Variants in UTY observed in about 807,000 individuals in gnomAD.
The protein encoded by UTY is histone demethylase UTY.
Under a neutral mutation model 32.5 loss-of-function variants are expected in UTY, and 12 were observed. That is an observed-to-expected ratio of 0.37 (90% CI 0.24 to 0.60). The LOEUF (loss-of-function observed/expected upper bound fraction) is 0.60, where lower values mean the gene tolerates loss of function less well. Among genes scored for constraint, UTY ranks in the 20% least tolerant of loss-of-function variants. The pLI, the probability that UTY is intolerant of heterozygous loss-of-function variation, is 0.69. For synonymous variants in UTY, 131 were observed against 103.4 expected (o/e 1.27, Z -1.62); for missense variants, 303 against 299.2 (o/e 1.01, Z -0.09).
At chrY:13,376,809 T>C in intron 8 of UTY, among the ~76,000 whole-genome samples, 1 of 33,351 alleles carries the variant, frequency 3.0e-5, no homozygotes, top group Non-Finnish European at 7.4e-5. Context: ...TTCATCCCCG[T>C]GATGCTGAGA....
chrY:13,401,869 C>T lies in UTY; in HGVS notation c.556-4897G>A. Among the ~76,000 whole-genome samples, 4 of 31,916 alleles carry T rather than the reference C, an allele frequency of 1.3e-4. No individual in the cohort carries two copies. The South Asian group carries it at 2.9e-3, about 23-fold the overall frequency. 85.6% of individuals were successfully genotyped at this position (31,916 alleles called of 37,273 possible). A position where few individuals can be genotyped will look rare whatever the true frequency, so the allele number is the denominator to read the frequency against. On this transcript the variant is annotated intron_variant, in intron 6 of 29. Coordinates refer to ENST00000545955, the MANE Select transcript of UTY (RefSeq NM_001258249.2). ...CAGGGTGACAAAACCAAGACTCCGT[C>T]TCAAAAAAAAAGGAAAAATAAAATA... is the stretch of plus-strand genomic sequence containing the variant.
chrY:13,278,184 G>A (rs2056807421), intron 27 of UTY, among the ~76,000 whole-genome samples: 5 of 33,297 alleles, frequency 1.5e-4, no homozygotes, highest in Admixed American at 8.0e-4. Context: ...CCCAGTTCTG[G>A]CAAGATTCAA....
At chrY:13,425,612 G>A in intron 4 of UTY, among the ~76,000 whole-genome samples, 3 of 34,398 alleles carry the variant, frequency 8.7e-5, no homozygotes, top group Non-Finnish European at 1.5e-4. Context: ...TCTTTCCCTC[G>A]TCTGGAAATG....
chrY:13,418,982 C>T (rs2072162966), intron 4 of UTY, among the ~76,000 whole-genome samples: 1 of 33,276 alleles, frequency 3.0e-5, no homozygotes, highest in Admixed American at 2.7e-4. Flanking sequence ...CAATTGCCTC[C>T]TGGTTACCAC....
chrY:13,366,534 A>G (rs1021799649), intron 9 of UTY, 141 bp from the exon 10 acceptor site: 11 of 101,572 alleles, frequency 1.1e-4, no homozygotes, highest in Non-Finnish European at 1.7e-4. Context: ...TAAAACTACC[A>G]AAGTTTAGAG....
chrY:13,390,156 G>GT (rs781298772), intron 8 of UTY, among the ~76,000 whole-genome samples: 50 of 30,774 alleles, frequency 1.6e-3, no homozygotes, highest in Non-Finnish European at 2.3e-3. Flanking sequence ...TGTTAATTAG[G>GT]TTTTTTTTTC....
intron 27 of UTY, among the ~76,000 whole-genome samples, chrY:13,279,537 C>T: frequency 3.0e-5 from 1 of 33,509 alleles, no homozygotes; most frequent in Non-Finnish European, 7.4e-5. Context: ...CATGAGCCAC[C>T]ATATCCGGCC....
chrY:13,382,764 C>T (rs2066271703), intron 8 of UTY, among the ~76,000 whole-genome samples: 1 of 33,441 alleles, frequency 3.0e-5, no homozygotes, highest in Non-Finnish European at 7.4e-5. Flanking sequence ...CTCCTATTAG[C>T]TTTAATCTAG....
In UTY at chrY:13,392,560, G is replaced by A; in HGVS notation, c.645+1299C>T. Among the ~76,000 whole-genome samples, 3 of 33,848 alleles carry A rather than the reference G, an allele frequency of 8.9e-5. No individual in the cohort carries two copies. In the South Asian group the frequency reaches 1.9e-3, roughly 22 times the overall value. 90.8% of individuals were successfully genotyped at this position (33,848 alleles called of 37,273 possible). On this transcript the variant is annotated intron_variant, in intron 8 of 29. Coordinates refer to ENST00000545955, the MANE Select transcript of UTY (RefSeq NM_001258249.2). ...GATTCAATGAATCTCTAAGGCCACC[G>A]TGTGTACCTTGTGGAGCACAGGGAG...
chrY:13,358,300 C>T, intron 14 of UTY, 164 bp downstream of exon 14: 1 of 224,400 alleles, frequency 4.5e-6, no homozygotes, highest in Non-Finnish European at 5.3e-6. Flanking sequence ...TGAACACAAA[C>T]TTATCCCTAC....
chrY:13,420,540 G>C, intron 4 of UTY, among the ~76,000 whole-genome samples: 1 of 33,072 alleles, frequency 3.0e-5, no homozygotes. Context: ...AATAGTGCAG[G>C]GATAACTGGC....
intron 8 of UTY, among the ~76,000 whole-genome samples, chrY:13,390,128 A>C: frequency 3.3e-5 from 1 of 30,062 alleles, no homozygotes; most frequent in African/African-American, 1.2e-4. Flanking sequence ...TTTTGGTTCT[A>C]ATAATTTTTC....
rs1603480456 is a variant in UTY, at chrY:13,468,611, C to T, written c.325+1510G>A. Among the ~76,000 whole-genome samples the T allele has an allele frequency of 1.6e-4, 5 of 31,926 alleles. No individual in the cohort carries two copies. The South Asian group carries it at 2.9e-3, about 18-fold the overall frequency. The allele number at this position is 31,926 out of a possible 37,273, so 85.7% of individuals were successfully genotyped here. ...AGGAGAATGGCATGAACCTGTGAGG[C>T]GGAGCTTGCAGTGAGCCGAGATGGC... is the stretch of plus-strand genomic sequence containing the variant. On this transcript the variant is annotated intron_variant, in intron 3 of 29. Coordinates refer to ENST00000545955, the MANE Select transcript of UTY (RefSeq NM_001258249.2).
intron 27 of UTY, among the ~76,000 whole-genome samples, chrY:13,283,855 A>C (rs2057186841): frequency 8.9e-5 from 3 of 33,692 alleles, no homozygotes; most frequent in Non-Finnish European, 2.2e-4. Context: ...AAAATCTCAA[A>C]CTTACAAGGT....
At chrY:13,408,492 G>C in intron 6 of UTY, among the ~76,000 whole-genome samples, 2 of 31,696 alleles carry the variant, frequency 6.3e-5, no homozygotes, top group Non-Finnish European at 1.6e-4. Context: ...GTGTCTCTCT[G>C]AGTACACTTT....
chrY:13,446,572 AG>A (rs2075805574), intron 4 of UTY, among the ~76,000 whole-genome samples: 1 of 18,076 alleles, frequency 5.5e-5, no homozygotes, highest in South Asian at 1.8e-3. Flanking sequence ...ATAGATAGAT[AG>A]ATAGATAGAT....
At chrY:13,335,412 A>G in intron 18 of UTY, 151 bp downstream of exon 18, 1 of 179,295 alleles carries the variant, frequency 5.6e-6, no homozygotes. Context: ...TTAAACATAT[A>G]AAACAACAAA....
intron 18 of UTY, among the ~76,000 whole-genome samples, chrY:13,333,252 A>G: frequency 3.0e-5 from 1 of 33,687 alleles, no homozygotes; most frequent in African/African-American, 1.2e-4. Flanking sequence ...GAATTAAAAA[A>G]AGAGCTCATA....
intron 17 of UTY, among the ~76,000 whole-genome samples, chrY:13,345,641 C>T: frequency 3.0e-5 from 1 of 33,474 alleles, no homozygotes; most frequent in Non-Finnish European, 7.4e-5. Flanking sequence ...ACCAAGATGA[C>T]TGTCATCACT....
Sources: gnomAD v4.1 joint callset for allele counts (sites outside exome capture counted in the v4.1 genomes callset) on GRCh38, gnomAD v4.1.1 for gene constraint, MANE v1.5 for transcripts, NCBI Gene and HGNC (gene_info 2026-07-23, HGNC 2026-07-21) for gene names.